Variants in TENM3 observed in about 807,000 individuals in gnomAD.
The protein encoded by TENM3 is teneurin transmembrane protein 3.
A neutral mutation model predicts 255.1 loss-of-function variants in TENM3; 63 were observed. The observed-to-expected ratio is 0.25, with a 90% CI of 0.20 to 0.30. The LOEUF (loss-of-function observed/expected upper bound fraction) is 0.30, where lower values mean the gene tolerates loss of function less well. Among genes scored for constraint, TENM3 ranks in the 10% least tolerant of loss-of-function variants. The pLI is 1.00. For missense variants in TENM3, 2,929 were observed against 3,461.1 expected (o/e 0.85, Z 3.86); for synonymous variants, 1,306 against 1,322.3 (o/e 0.99, Z 0.27).
At chr4:182,389,994 A>T (rs186347628) in intron 3 of TENM3, among the ~76,000 whole-genome samples, 1 of 152,064 alleles carries the variant, frequency 6.6e-6, no homozygotes, top group Non-Finnish European at 1.5e-5. Context: ...CCAGTAGATG[A>T]CTCTTTAAAG....
At chr4:182,562,841 A>C (rs1201356681) in intron 3 of TENM3, among the ~76,000 whole-genome samples, 1 of 152,158 alleles carries the variant, frequency 6.6e-6, no homozygotes, top group Admixed American at 6.6e-5. Context: ...ACAGTCAGGT[A>C]CTGTGGGGGT....
At chr4:181,453,539 A>G in the TENM3 span, among the ~76,000 whole-genome samples, 3 of 149,142 alleles carry the variant, frequency 2.0e-5, no homozygotes, top group African/African-American at 7.3e-5. Context: ...CTCTTAACGA[A>G]GAGTCATGTA....
chr4:182,684,065 A>G (rs1319463426), intron 11 of TENM3, among the ~76,000 whole-genome samples: 1 of 151,854 alleles, frequency 6.6e-6, no homozygotes, highest in Admixed American at 6.6e-5. Context: ...GCAATGGAAG[A>G]GAAGTGAGAA....
At chr4:182,581,601 A>G (rs1440333059) in intron 3 of TENM3, among the ~76,000 whole-genome samples, 1 of 152,038 alleles carries the variant, frequency 6.6e-6, no homozygotes, top group Non-Finnish European at 1.5e-5. Context: ...GGCAGGCATG[A>G]TGGTGAGTGC....
intron 3 of TENM3, among the ~76,000 whole-genome samples, chr4:182,582,283 A>T (rs941016326): frequency 9.9e-5 from 15 of 152,204 alleles, no homozygotes; most frequent in African/African-American, 3.4e-4. Context: ...AAAAATGACA[A>T]AAATAATTAT....
chr4:181,966,231 A>T, the TENM3 span, among the ~76,000 whole-genome samples: 1 of 152,150 alleles, frequency 6.6e-6, no homozygotes, highest in African/African-American at 2.4e-5. Context: ...TGAGTTACAC[A>T]GGGAGATTTA....
chr4:182,413,237 A>G (rs544100578), intron 3 of TENM3, among the ~76,000 whole-genome samples: 87 of 152,040 alleles, frequency 5.7e-4, no homozygotes, highest in African/African-American at 2.1e-3. Flanking sequence ...ATAGGCAGGA[A>G]AAAAAAAGAC....
intron 1 of TENM3, among the ~76,000 whole-genome samples, chr4:182,314,161 C>A (rs1026205690): frequency 6.6e-6 from 1 of 152,058 alleles, no homozygotes; most frequent in African/African-American, 2.4e-5. Flanking sequence ...ATTAGCCGGG[C>A]GCTTTGGCAA....
chr4:181,786,085 A>G, the TENM3 span, among the ~76,000 whole-genome samples: 171 of 152,304 alleles, frequency 1.1e-3, no homozygotes, highest in African/African-American at 4.0e-3. Flanking sequence ...TCAGAAGCAT[A>G]AGGAGGAAAA....
chr4:182,331,666 G>A lies in TENM3; in HGVS notation c.232+7414G>A, dbSNP rs775193580. Among the ~76,000 whole-genome samples, 7 of 152,126 alleles carry A rather than the reference G, an allele frequency of 4.6e-5. No homozygotes were observed. The South Asian group carries it at 8.3e-4, about 18-fold the overall frequency. On this transcript the variant is annotated intron_variant, in intron 2 of 27. Coordinates refer to ENST00000511685, the MANE Select transcript of TENM3 (RefSeq NM_001080477.4). The stretch of plus-strand genomic sequence containing the variant: ...GGTAAAGAAAATGGTTGAGAATAAA[G>A]ATATATTAGGTGAATACAAACAAAA...
the TENM3 span, among the ~76,000 whole-genome samples, chr4:182,055,163 A>G: frequency 6.6e-6 from 1 of 152,058 alleles, no homozygotes; most frequent in African/African-American, 2.4e-5. Flanking sequence ...TTTGGGCAAG[A>G]TGGTGAGATC....
chr4:182,147,310 T>A (rs1750038697), intron 1 of TENM3, among the ~76,000 whole-genome samples: 1 of 152,144 alleles, frequency 6.6e-6, no homozygotes, highest in Non-Finnish European at 1.5e-5. Context: ...AATGTATGTT[T>A]GGAGATGCTG....
chr4:181,534,267 T>C, the TENM3 span, among the ~76,000 whole-genome samples: 64 of 149,540 alleles, frequency 4.3e-4, no homozygotes, highest in African/African-American at 1.6e-3. Flanking sequence ...GCATTCAGGA[T>C]GTTTGGAGTT....
At chr4:182,164,067 G>T (rs1269754866) in intron 1 of TENM3, among the ~76,000 whole-genome samples, 1 of 152,188 alleles carries the variant, frequency 6.6e-6, no homozygotes, top group Admixed American at 6.5e-5. Flanking sequence ...GACCCTGTGA[G>T]AGTGACAGTG....
chr4:182,087,442 G>T, the TENM3 span, among the ~76,000 whole-genome samples: 1 of 152,304 alleles, frequency 6.6e-6, no homozygotes, highest in Admixed American at 6.5e-5. Flanking sequence ...AAGGCACATG[G>T]TATACCAGGA....
the TENM3 span, among the ~76,000 whole-genome samples, chr4:181,832,294 T>G: frequency 6.6e-6 from 1 of 152,124 alleles, no homozygotes; most frequent in Admixed American, 6.6e-5. Context: ...ACTTGCAATG[T>G]GGCCAATTTT....
At chr4:182,532,102 A>G (rs1459652361) in intron 3 of TENM3, among the ~76,000 whole-genome samples, 1 of 152,194 alleles carries the variant, frequency 6.6e-6, no homozygotes, top group Non-Finnish European at 1.5e-5. Context: ...TTGTTTAATA[A>G]ACTGTTTCTA....
At chr4:182,312,965 T>C (rs2150427917) in intron 1 of TENM3, among the ~76,000 whole-genome samples, 1 of 152,348 alleles carries the variant, frequency 6.6e-6, no homozygotes, top group South Asian at 2.1e-4. Flanking sequence ...ATTACTAGTG[T>C]CTATTAAATT....
rs370347049 is a variant in TENM3 at position 182,722,983 on chromosome 4, A to G, written c.2369-5982A>G. ...GAAGCTGAGCGGGGTGGATGGTGGA[A>G]CCATTCATTGAAATAGGAAATTGAG... On this transcript the variant is annotated intron_variant, in intron 13 of 27. Transcript: ENST00000511685. Among the ~76,000 whole-genome samples the G allele has an allele frequency of 5.1e-4, 77 of 152,360 alleles. No homozygotes were observed. In the South Asian group the frequency reaches 0.016, roughly 31 times the overall value.
Sources: gnomAD v4.1 joint callset for allele counts (sites outside exome capture counted in the v4.1 genomes callset) on GRCh38, gnomAD v4.1.1 for gene constraint, MANE v1.5 for transcripts, NCBI Gene and HGNC (gene_info 2026-07-23, HGNC 2026-07-21) for gene names.